PBLD: variants seen among roughly 807,000 people sequenced by gnomAD.
PBLD encodes the protein phenazine biosynthesis-like domain-containing protein.
Under a neutral mutation model 31.3 loss-of-function variants are expected in PBLD, and 26 were observed. The ratio of observed to expected loss-of-function variants is 0.83; its 90% CI spans 0.61 to 1.15. The LOEUF is 1.15. Ranked by LOEUF, PBLD falls within the 50% of genes most tolerant of loss-of-function variation. The pLI, the probability that PBLD is intolerant of heterozygous loss-of-function variation, is 0.00. For synonymous variants in PBLD, 114 were observed against 129.0 expected (o/e 0.88, Z 0.79); for missense variants, 307 against 351.7 (o/e 0.87, Z 1.02).
intron 1 of PBLD, among the ~76,000 whole-genome samples, chr10:68,316,365 A>G (rs1297981433): frequency 1.3e-5 from 2 of 152,176 alleles, no homozygotes; most frequent in East Asian, 3.8e-4. Context: ...AATTAATTAG[A>G]GAGGTCCAAC....
chr10:68,311,123 T>G (rs1385550698), intron 1 of PBLD, among the ~76,000 whole-genome samples: 1 of 152,184 alleles, frequency 6.6e-6, no homozygotes, highest in African/African-American at 2.4e-5. Flanking sequence ...GAAAGCACAC[T>G]GGGCTTTCAG....
Position 68,284,206 on chromosome 10 carries a change from C to CATTAGAGG in PBLD, c.837_838insCCTCTAAT (p.Val280ProfsTer6). 6.2e-7 allele frequency: 1 copy of CATTAGAGG among 1,614,096 alleles called. No homozygotes were observed. The highest frequency in any genetic ancestry group is 1.7e-5 in the Admixed American group (1 of 60,010). On this transcript the variant is annotated frameshift_variant, in exon 10 of 10. Transcript: ENST00000358769. LOFTEE classifies it high-confidence loss of function. Reference sequence around the variant, plus strand: ...GCTGTCAGTGTGCCCTCTAAAACAACAGCTGCACCTCCTCTAATGTCAACC... The same window carrying CATTAGAGG: ...GCTGTCAGTGTGCCCTCTAAAACAACATTAGAGGAGCTGCACCTCCTCTAATGTCAACC...
At chr10:68,284,539 C>G (rs1365117510) in intron 9 of PBLD, among the ~76,000 whole-genome samples, 1 of 152,190 alleles carries the variant, frequency 6.6e-6, no homozygotes, top group Non-Finnish European at 1.5e-5. Flanking sequence ...TGGGCCATCT[C>G]CTTCACTAAT....
In PBLD at chr10:68,282,779, G is replaced by A. The variant is rs2044246298; in HGVS notation, c.*1398C>T. 6.6e-6 allele frequency: 1 copy of A among 152,104 alleles called. No individual in the cohort carries two copies. The highest frequency in any genetic ancestry group is 2.1e-4 in the South Asian group (1 of 4,820). The allele number at this position is 152,104 out of a possible 1,614,324, so 9.4% of individuals were successfully genotyped here. On this transcript the variant is annotated 3_prime_UTR_variant, in exon 10 of 10. Transcript: ENST00000358769. ...AATAGAAAACATGGTAACAATTAAA[G>A]TGAAAAAATTGGGGTCATTAAAGAA...
At chr10:68,304,188 C>T (rs1459444466) in intron 2 of PBLD, among the ~76,000 whole-genome samples, 1 of 152,148 alleles carries the variant, frequency 6.6e-6, no homozygotes, top group African/African-American at 2.4e-5. Flanking sequence ...ACCATTTATA[C>T]GTCTATTATA....
chr10:68,319,069 A>AAGAAAGAAAG (rs1209269511), intron 1 of PBLD, among the ~76,000 whole-genome samples: 1 of 125,612 alleles, frequency 8.0e-6, no homozygotes, highest in East Asian at 2.6e-4. Context: ...GAAAGAAAGA[A>AAGAAAGAAAG]AGAAAGAAAG....
At chr10:68,293,741 G>A (rs768332274) in intron 4 of PBLD, among the ~76,000 whole-genome samples, 109 of 152,186 alleles carry the variant, frequency 7.2e-4, no homozygotes, top group African/African-American at 2.4e-3. Flanking sequence ...TTGGGAGGCC[G>A]AGGCGGGTGG....
At chr10:68,305,426 T>A (rs892586697) in intron 2 of PBLD, among the ~76,000 whole-genome samples, 3 of 150,776 alleles carry the variant, frequency 2.0e-5, no homozygotes, top group South Asian at 2.2e-4. Context: ...TTCTCCATCA[T>A]GATTGCACAC....
intron 1 of PBLD, chr10:68,331,039 A>G (rs1295446741): frequency 6.6e-6 from 1 of 152,034 alleles, no homozygotes; most frequent in Non-Finnish European, 1.5e-5. Context: ...ACGCCCAGCT[A>G]ATCTTTGTAT....
At chr10:68,288,805 A>G (rs1165135027) in intron 7 of PBLD, 126 bp downstream of exon 7, 37 of 1,274,762 alleles carry the variant, frequency 2.9e-5, no homozygotes, top group Non-Finnish European at 4.0e-5. Context: ...TCTTCCTATC[A>G]GGGAAAGAAA....
At chr10:68,307,094 A>G (rs2044591028) in intron 1 of PBLD, among the ~76,000 whole-genome samples, 191 bp from the exon 2 acceptor site, 1 of 151,878 alleles carries the variant, frequency 6.6e-6, no homozygotes, top group Non-Finnish European at 1.5e-5. Flanking sequence ...AGTGGCACCG[A>G]TCTCGGCTCA....
rs1263101887 is a variant in PBLD at position 68,283,460 on chromosome 10, GTATTA to G, written c.*712_*716del. ...TTATGGCCTACTGTCCTCTTTCTTAGTATTATATTATAAAATATTTTTCTATATTT... is the reference window on the plus strand; with the variant it reads ...TTATGGCCTACTGTCCTCTTTCTTAGTATTATAAAATATTTTTCTATATTT... On this transcript the variant is annotated 3_prime_UTR_variant, in exon 10 of 10. Coordinates refer to ENST00000358769, the MANE Select transcript of PBLD (RefSeq NM_022129.4). 3 of 151,984 alleles carry G rather than the reference GTATTA, an allele frequency of 2.0e-5. No individual in the cohort carries two copies. The highest frequency in any genetic ancestry group is 7.3e-5 in the African/African-American group (3 of 41,370). The allele number at this position is 151,984 out of a possible 1,614,324, so 9.4% of individuals were successfully genotyped here. A position where few individuals can be genotyped will look rare whatever the true frequency, so the allele number is the denominator to read the frequency against.
intron 4 of PBLD, among the ~76,000 whole-genome samples, chr10:68,294,877 G>A (rs780212580): frequency 6.6e-6 from 1 of 152,142 alleles, no homozygotes; most frequent in Non-Finnish European, 1.5e-5. Flanking sequence ...ACCGGCGCCC[G>A]CCACCATGCT....
At chr10:68,300,444 A>G (rs1424688058) in intron 2 of PBLD, among the ~76,000 whole-genome samples, 1 of 152,210 alleles carries the variant, frequency 6.6e-6, no homozygotes, top group Non-Finnish European at 1.5e-5. Flanking sequence ...CTAAGACGGA[A>G]CAGCAATAAA....
rs371724050 is a variant in PBLD at position 68,289,391 on chromosome 10, G to A, written c.424-372C>T. On this transcript the variant is annotated intron_variant, in intron 6 of 9. Transcript: ENST00000358769. Reference sequence around the variant, plus strand: ...AAAATACAAAAATTAGTCGGGCATGGTGGTGCACTCCTGTAATCTCAGCTA... The same window carrying A: ...AAAATACAAAAATTAGTCGGGCATGATGGTGCACTCCTGTAATCTCAGCTA... Among the ~76,000 whole-genome samples the A allele has an allele frequency of 1.9e-4, 29 of 152,122 alleles. No individual in the cohort carries two copies. The East Asian group carries it at 5.4e-3, about 28-fold the overall frequency.
At chr10:68,289,353 C>A (rs1183928782) in intron 6 of PBLD, among the ~76,000 whole-genome samples, 1 of 152,048 alleles carries the variant, frequency 6.6e-6, no homozygotes, top group Non-Finnish European at 1.5e-5. Flanking sequence ...CATGGCAAAA[C>A]CCCATCTCTA....
At chr10:68,319,107 GAA>G (rs765763063) in intron 1 of PBLD, among the ~76,000 whole-genome samples, 40 of 120,658 alleles carry the variant, frequency 3.3e-4, no homozygotes, top group African/African-American at 1.2e-3. Flanking sequence ...AAGAAAGAAA[GAA>G]AGGAAAAAGA....
At chr10:68,306,050 G>A (rs1413160462) in intron 2 of PBLD, among the ~76,000 whole-genome samples, 12 of 151,484 alleles carry the variant, frequency 7.9e-5, no homozygotes, top group Admixed American at 6.6e-5. Flanking sequence ...CACTACTTAG[G>A]GACCAACACA....
At chr10:68,302,780 G>A (rs573308588) in intron 2 of PBLD, among the ~76,000 whole-genome samples, 2 of 151,168 alleles carry the variant, frequency 1.3e-5, no homozygotes, top group Admixed American at 1.3e-4. Context: ...GTTCAAGGCT[G>A]CAGTGAGCTA....
Sources: allele counts gnomAD v4.1 joint callset (sites outside exome capture counted in the v4.1 genomes callset), GRCh38; gene constraint gnomAD v4.1.1; transcripts MANE v1.5; gene names NCBI Gene and HGNC (gene_info 2026-07-23, HGNC 2026-07-21).